GATM: variants seen among roughly 807,000 people sequenced by gnomAD.
GATM encodes glycine amidinotransferase, mitochondrial.
In GATM, 23 loss-of-function variants were observed where a neutral mutation model predicts 54.2. That is an observed-to-expected ratio of 0.42 (90% CI 0.31 to 0.60). GATM has a LOEUF of 0.60. GATM is among the 20% of genes least tolerant of loss of function. The probability of loss-of-function intolerance (pLI) is 0.14; values close to 1 mark genes in which losing one functional copy is unlikely to be tolerated. For missense variants in GATM, 401 were observed against 544.9 expected (o/e 0.74, Z 2.63); for synonymous variants, 168 against 183.1 (o/e 0.92, Z 0.67).
At chr15:45,366,926 A>C (rs1428951189) in intron 4 of GATM, among the ~76,000 whole-genome samples, 1 of 152,204 alleles carries the variant, frequency 6.6e-6, no homozygotes, top group Non-Finnish European at 1.5e-5. Flanking sequence ...TGTAAATTAA[A>C]CTTTATCATA....
At chr15:45,376,998 T>A (rs1054953022) in intron 1 of GATM, 179 bp from the exon 2 acceptor site, 15 of 654,110 alleles carry the variant, frequency 2.3e-5, no homozygotes, top group South Asian at 8.7e-5. Flanking sequence ...ATAATTTTTT[T>A]AACCCTCTTG....
At chr15:45,367,288 C>T (rs139634808) in intron 4 of GATM, among the ~76,000 whole-genome samples, 2,771 of 151,722 alleles carry the variant, frequency 0.018, 96 homozygotes, top group African/African-American at 0.065. Context: ...CTGCAGTGAG[C>T]CGAGATCACG....
chr15:45,398,900 T>C (rs959705393), intron 2 of GATM, among the ~76,000 whole-genome samples: 2 of 152,176 alleles, frequency 1.3e-5, no homozygotes, highest in Non-Finnish European at 2.9e-5. Flanking sequence ...ATATATAATA[T>C]GCTGAAGGGA....
In GATM at chr15:45,366,363, G is replaced by A. The variant is rs553676897; in HGVS notation, c.813+8C>T. On this transcript the variant is annotated splice_region_variant and intron_variant, in intron 5 of 8. Coordinates refer to ENST00000396659, the MANE Select transcript of GATM (RefSeq NM_001482.3). ...TAGTGTGAAATTTCAGAGGCAGCCT[G>A]CGTTCACCTGGCTTCTCTGTGCAAA... The A allele has an allele frequency of 6.2e-7, 1 of 1,614,110 alleles. No individual in the cohort carries two copies. The highest frequency in any genetic ancestry group is 1.3e-5 in the African/African-American group (1 of 75,070).
intron 2 of GATM, among the ~76,000 whole-genome samples, chr15:45,372,864 A>G (rs1350139329): frequency 6.6e-6 from 1 of 152,260 alleles, no homozygotes; most frequent in East Asian, 1.9e-4. Flanking sequence ...AATTGTTTAC[A>G]CTTCCTTTAT....
At chr15:45,387,129 A>G (rs1462139125) in intron 3 of GATM, among the ~76,000 whole-genome samples, 1 of 152,248 alleles carries the variant, frequency 6.6e-6, no homozygotes, top group Non-Finnish European at 1.5e-5. Flanking sequence ...GGCTTGATTT[A>G]GTAATGACAG....
chr15:45,393,455 G>A (rs1201022482), intron 3 of GATM, among the ~76,000 whole-genome samples: 1 of 152,028 alleles, frequency 6.6e-6, no homozygotes, highest in Non-Finnish European at 1.5e-5. Context: ...CAAGGTTATT[G>A]GGAGGATTAA....
intron 3 of GATM, among the ~76,000 whole-genome samples, chr15:45,394,092 GA>G (rs1485575292): frequency 6.6e-6 from 1 of 152,166 alleles, no homozygotes; most frequent in Non-Finnish European, 1.5e-5. Context: ...TTGGGCCACA[GA>G]CCGCTGCCAG....
chr15:45,383,290 C>T (rs1240315517), upstream of GATM, among the ~76,000 whole-genome samples: 1 of 152,222 alleles, frequency 6.6e-6, no homozygotes, highest in Non-Finnish European at 1.5e-5. Flanking sequence ...TATTACTGCT[C>T]AACATCTCCC....
chr15:45,390,972 A>G (rs1379605351), intron 3 of GATM, among the ~76,000 whole-genome samples: 1 of 152,170 alleles, frequency 6.6e-6, no homozygotes. Flanking sequence ...TTGACCATTA[A>G]CTACTTGGAT....
intron 8 of GATM, chr15:45,363,684 G>A: frequency 3.4e-6 from 2 of 594,278 alleles, no homozygotes; most frequent in Non-Finnish European, 6.0e-6. Context: ...ATTGTTAAGG[G>A]GATGTCTCAG....
At chr15:45,388,262 A>G (rs1889827713) in intron 3 of GATM, among the ~76,000 whole-genome samples, 1 of 152,168 alleles carries the variant, frequency 6.6e-6, no homozygotes, top group Non-Finnish European at 1.5e-5. Flanking sequence ...GTTTGTGGGA[A>G]ATTTTGTTTT....
At chr15:45,362,611 T>C (rs1889382039) in intron 8 of GATM, among the ~76,000 whole-genome samples, 1 of 152,220 alleles carries the variant, frequency 6.6e-6, no homozygotes, top group South Asian at 2.1e-4. Context: ...TTAGCTGACC[T>C]AAAAAGCTGA....
upstream of GATM, chr15:45,379,828 A>C (rs1185449045): frequency 6.6e-6 from 1 of 152,228 alleles, no homozygotes; most frequent in Non-Finnish European, 1.5e-5. Flanking sequence ...TCTACTAAAA[A>C]TACAAAAACT....
Position 45,376,827 on chromosome 15 carries a change from G to A in GATM, c.70-8C>T. ...TGTCAAGGTTCGTCCAAGCTTCCAAGAACAAAGAAAAGATTATTGTATTGC... is the reference window on the plus strand; with the variant it reads ...TGTCAAGGTTCGTCCAAGCTTCCAAAAACAAAGAAAAGATTATTGTATTGC... On this transcript the variant is annotated splice_region_variant and splice_polypyrimidine_tract_variant and intron_variant, in intron 1 of 8. Coordinates refer to ENST00000396659, the MANE Select transcript of GATM (RefSeq NM_001482.3). 6.2e-7 allele frequency: 1 copy of A among 1,610,638 alleles called. No homozygotes were observed. The highest frequency in any genetic ancestry group is 1.1e-5 in the South Asian group (1 of 90,650).
chr15:45,380,152 A>G (rs12442078), upstream of GATM: 31,659 of 114,780 alleles, frequency 0.28, 5,802 homozygotes, highest in East Asian at 0.84. Flanking sequence ...AAAAAAAAAA[A>G]GCCGGGCATG....
chr15:45,372,776 G>A (rs1403032845), intron 2 of GATM, among the ~76,000 whole-genome samples: 1 of 152,182 alleles, frequency 6.6e-6, no homozygotes, highest in Non-Finnish European at 1.5e-5. Context: ...ATTTTTTCTT[G>A]TAGAGTTTAT....
intron 3 of GATM, among the ~76,000 whole-genome samples, chr15:45,383,596 C>CTT (rs58764877): frequency 6.8e-6 from 1 of 147,096 alleles, no homozygotes; most frequent in East Asian, 2.0e-4. Flanking sequence ...CAAATTGCTG[C>CTT]TTTTTTTTTT....
intron 7 of GATM, 113 bp downstream of exon 7, chr15:45,364,684 C>A: frequency 1.0e-6 from 1 of 962,078 alleles, no homozygotes; most frequent in Non-Finnish European, 1.7e-6. Flanking sequence ...TCACACCTTA[C>A]TGAGGAAACA....
Sources: allele counts gnomAD v4.1 joint callset (sites outside exome capture counted in the v4.1 genomes callset), GRCh38; gene constraint gnomAD v4.1.1; transcripts MANE v1.5; gene names NCBI Gene and HGNC (gene_info 2026-07-23, HGNC 2026-07-21).